The following CYB5D2 variants were observed in gnomAD, a reference collection of about 807,000 sequenced individuals.
CYB5D2 encodes the protein neuferricin.
CYB5D2 carries 23 observed loss-of-function variants against 22.8 expected under a neutral mutation model. That is an observed-to-expected ratio of 1.01 (90% CI 0.73 to 1.43). The LOEUF (loss-of-function observed/expected upper bound fraction) is 1.43. Among genes scored for constraint, CYB5D2 ranks in the 40% most tolerant of loss-of-function variants. The pLI, the probability that CYB5D2 is intolerant of heterozygous loss-of-function variation, is 0.00. For synonymous variants in CYB5D2, 170 were observed against 152.2 expected, an observed-to-expected ratio of 1.12 and a Z score of -0.86; for missense variants, 373 against 357.2, an observed-to-expected ratio of 1.04 and a Z score of -0.36.
At chr17:4,146,854 A>G (rs371563367) in intron 1 of CYB5D2, among the ~76,000 whole-genome samples, 1 of 152,068 alleles carries the variant, frequency 6.6e-6, no homozygotes, top group Non-Finnish European at 1.5e-5. Flanking sequence ...CGATTGGCCT[A>G]TTGTGGGCAT....
In CYB5D2 at chr17:4,157,034, G is replaced by A; in HGVS notation, c.747G>A (p.Glu249=). 2 of 1,612,586 alleles carry A rather than the reference G, an allele frequency of 1.2e-6. No individual in the cohort carries two copies. Among genetic ancestry groups the A allele is most frequent in the South Asian group, 1.1e-5 (1 of 91,006 alleles). Residue 249 remains glutamate, a synonymous_variant, in exon 4 of 4, where the codon GAG becomes GAA. Transcript: ENST00000301391. This position sits in a 1 kb window ranked among gnomAD's most constrained non-coding sequence, Gnocchi z 4.4. ...ACCTGGACCACCCAAACTTGGCAGA[G>A]TACACAGGCTGCCCACCGCTAGCCA... ...RGDLDHPNLA[E]YTGCPPLAIT...
At position 4,157,135 on chromosome 17, in the gene CYB5D2, T is replaced by C. The variant is rs1304023221; in HGVS notation, c.*53T>C. 26 of 1,584,014 alleles carry C rather than the reference T, an allele frequency of 1.6e-5. No homozygotes were observed. The highest frequency in any genetic ancestry group is 2.2e-5 in the Non-Finnish European group (25 of 1,161,886). ...CAGAGAGCTCTGCCAAGCACCTGAG[T>C]AGGCCCTTGACACTTGTGTGCCCTG... On this transcript the variant is annotated 3_prime_UTR_variant, in exon 4 of 4. Transcript: ENST00000301391. This position sits in a 1 kb window ranked among gnomAD's most constrained non-coding sequence, Gnocchi z 4.4.
chr17:4,153,182 A>G (rs2059076363), intron 2 of CYB5D2, among the ~76,000 whole-genome samples: 2 of 152,166 alleles, frequency 1.3e-5, no homozygotes, highest in African/African-American at 4.8e-5. Flanking sequence ...CTGTGATGTA[A>G]TACGTTTGGG....
In CYB5D2 at chr17:4,154,721, G is replaced by A. The variant is rs2059094577; in HGVS notation, c.439G>A (p.Ala147Thr). 4 of 1,614,054 alleles carry A rather than the reference G, an allele frequency of 2.5e-6. No homozygotes were observed. The highest frequency in any genetic ancestry group is 1.3e-5 in the African/African-American group (1 of 74,924). Residue 147 changes from alanine (A) to threonine (T), a missense_variant, in exon 3 of 4, where the codon GCA (alanine) becomes ACA (threonine). Transcript: ENST00000301391. The stretch of plus-strand genomic sequence containing the variant: ...CGGAGAGGATGGGCTGCCCACCCCG[G>A]CACTGACCCAGGTAGAAGCTGCGAT... ...FYGEDGLPTP[A>T]LTQVEAAITR...
chr17:4,147,522 G>A (rs907686096), intron 1 of CYB5D2, among the ~76,000 whole-genome samples: 1 of 152,190 alleles, frequency 6.6e-6, no homozygotes, highest in Non-Finnish European at 1.5e-5. Context: ...TAACCGATTT[G>A]AAGAGGAGGA....
rs777958098 is a variant in CYB5D2 at position 4,154,717 on chromosome 17, C to T, written c.435C>T (p.Thr145=). The T allele has an allele frequency of 1.9e-6, 3 of 1,614,202 alleles. No individual in the cohort carries two copies. Among genetic ancestry groups the T allele is most frequent in the Non-Finnish European group, 2.5e-6 (3 of 1,180,036 alleles). The change falls in exon 3 of 4, where the codon ACC becomes ACT. Residue 145 remains threonine (T), a synonymous_variant. Coordinates refer to ENST00000301391, the MANE Select transcript of CYB5D2 (RefSeq NM_144611.4). ...GRFYGEDGLP[T]PALTQVEAAI... ...TCTACGGAGAGGATGGGCTGCCCAC[C>T]CCGGCACTGACCCAGGTAGAAGCTG...
chr17:4,151,779 C>T (rs1000496539), intron 2 of CYB5D2, among the ~76,000 whole-genome samples: 6 of 150,794 alleles, frequency 4.0e-5, no homozygotes, highest in Middle Eastern at 3.5e-3. Flanking sequence ...CTGAGGTGGT[C>T]GGATCAGTTG....
chr17:4,147,756 G>A (rs2059008625), intron 1 of CYB5D2, among the ~76,000 whole-genome samples: 1 of 152,238 alleles, frequency 6.6e-6, no homozygotes, highest in Non-Finnish European at 1.5e-5. Context: ...AGGAGACTGA[G>A]GCAGGAGAAT....
chr17:4,152,935 G>A (rs1453114444), intron 2 of CYB5D2, among the ~76,000 whole-genome samples: 1 of 152,030 alleles, frequency 6.6e-6, no homozygotes, highest in Non-Finnish European at 1.5e-5. Flanking sequence ...GCACCACCAC[G>A]CCCAGCAAAT....
Position 4,143,642 on chromosome 17 carries a change from C to CGA in CYB5D2, c.-104_-103dup, listed in dbSNP as rs28372950. 5.8e-5 allele frequency: 84 copies of CGA among 1,437,874 alleles called. No homozygotes were observed. Among genetic ancestry groups the CGA allele is most frequent in the African/African-American group, 4.0e-4 (28 of 70,030 alleles). 89.1% of individuals were successfully genotyped at this position (1,437,874 alleles called of 1,614,324 possible). ...GGGAGGGAGCGCGAGCACTAGCGCGCGAGAGAGAGAGCGAGAGCGCGCGCG... is the reference window on the plus strand; with the variant it reads ...GGGAGGGAGCGCGAGCACTAGCGCGCGAGAGAGAGAGAGCGAGAGCGCGCGCG... On this transcript the variant is annotated 5_prime_UTR_variant, in exon 1 of 4. Coordinates refer to ENST00000301391, the MANE Select transcript of CYB5D2 (RefSeq NM_144611.4).
chr17:4,145,096 T>G (rs2058972863), intron 1 of CYB5D2, among the ~76,000 whole-genome samples: 1 of 152,154 alleles, frequency 6.6e-6, no homozygotes, highest in Admixed American at 6.5e-5. Flanking sequence ...AGCCTAGTGC[T>G]TTTTTACAGA....
intron 1 of CYB5D2, 106 bp from the exon 2 acceptor site, chr17:4,149,785 T>G: frequency 7.1e-7 from 1 of 1,409,244 alleles, no homozygotes; most frequent in Non-Finnish European, 9.5e-7. Flanking sequence ...GGCAACAGAG[T>G]GCGACTCCGT....
chr17:4,144,297 G>A lies in CYB5D2; in HGVS notation c.250+292G>A, dbSNP rs79584590. 5.3e-3 allele frequency among the ~76,000 whole-genome samples: 799 copies of A among 149,782 alleles called. 10 individuals carry two copies. The highest frequency in any genetic ancestry group is 0.019 in the African/African-American group (764 of 40,782). ...CCCAGCGTCGGAAGCCCTAGGATAC[G>A]GGCTGTGTGCCGGACTTTTGTGGGG... is the stretch of plus-strand genomic sequence containing the variant. On this transcript the variant is annotated intron_variant, in intron 1 of 3. Transcript: ENST00000301391.
intron 3 of CYB5D2, 65 bp downstream of exon 3, chr17:4,154,925 T>C: frequency 6.7e-7 from 1 of 1,488,302 alleles, no homozygotes; most frequent in South Asian, 1.3e-5. Flanking sequence ...CCATCCTGCC[T>C]GCAGTATTCA....
rs2059095438 is a variant in CYB5D2, at chr17:4,154,774, A to G, written c.492A>G (p.Leu164=). Residue 164 remains leucine (L), a synonymous_variant, in exon 3 of 4, where the codon CTA becomes CTG. Transcript: ENST00000301391. ...AITRGLEANK[L]QLQEKQTFPP... ...CCAGAGGCTTGGAGGCCAACAAACT[A>G]CAGCTGCAAGAGAAGCAGACATTCC... 6.2e-7 allele frequency: 1 copy of G among 1,614,180 alleles called. No individual in the cohort carries two copies. The highest frequency in any genetic ancestry group is 8.5e-7 in the Non-Finnish European group (1 of 1,180,014).
At chr17:4,151,139 C>T (rs895839607) in intron 2 of CYB5D2, 2 of 152,218 alleles carry the variant, frequency 1.3e-5, no homozygotes, top group African/African-American at 4.8e-5. Flanking sequence ...GCTCCCTCCA[C>T]ATCCAATCAA....
In CYB5D2 at chr17:4,143,723, C is replaced by T. The variant is rs990361771; in HGVS notation, c.-33C>T. On this transcript the variant is annotated 5_prime_UTR_variant, in exon 1 of 4. Transcript: ENST00000301391. Reference sequence around the variant, plus strand: ...TCTTAGCTGTAGATAGAGGCGGCAACCTCGGAAGTGCGGAGCGGGTGGGCC... The same window carrying T: ...TCTTAGCTGTAGATAGAGGCGGCAATCTCGGAAGTGCGGAGCGGGTGGGCC... 1 of 1,581,336 alleles carries T rather than the reference C, an allele frequency of 6.3e-7. No homozygotes were observed. Among genetic ancestry groups the T allele is most frequent in the Non-Finnish European group, 8.6e-7 (1 of 1,160,354 alleles).
In CYB5D2 at chr17:4,143,574, T is replaced by A. The variant is rs1400308624; in HGVS notation, c.-182T>A. ...CTGGAAAAAGTCGCAGACAGCGAGCTTTTCGCCAGTGCCAGGAATACAGAT... is the reference window on the plus strand; with the variant it reads ...CTGGAAAAAGTCGCAGACAGCGAGCATTTCGCCAGTGCCAGGAATACAGAT... On this transcript the variant is annotated 5_prime_UTR_variant, in exon 1 of 4. Coordinates refer to ENST00000301391, the MANE Select transcript of CYB5D2 (RefSeq NM_144611.4). The A allele has an allele frequency of 1.0e-5, 8 of 794,628 alleles. No homozygotes were observed. Among genetic ancestry groups the A allele is most frequent in the Non-Finnish European group, 1.3e-5 (7 of 534,584 alleles). 49.2% of individuals were successfully genotyped at this position (794,628 alleles called of 1,614,324 possible). A position where few individuals can be genotyped will look rare whatever the true frequency, so the allele number is the denominator to read the frequency against.
chr17:4,145,874 C>T (rs546057792), intron 1 of CYB5D2, among the ~76,000 whole-genome samples: 4 of 152,324 alleles, frequency 2.6e-5, no homozygotes, highest in African/African-American at 7.2e-5. Flanking sequence ...TCTTGGCTCA[C>T]TGCAACCTCC....
Sources: gnomAD v4.1 joint callset for allele counts (sites outside exome capture counted in the v4.1 genomes callset) on GRCh38, gnomAD v4.1.1 for gene constraint, Gnocchi (gnomAD v3.1) non-coding constraint, MANE v1.5 for transcripts, NCBI Gene and HGNC (gene_info 2026-07-23, HGNC 2026-07-21) for gene names.